PLCB1: variants seen among roughly 807,000 people sequenced by gnomAD.
PLCB1 encodes 1-phosphatidylinositol 4,5-bisphosphate phosphodiesterase beta-1.
In PLCB1, 46 loss-of-function variants were observed where a neutral mutation model predicts 161.8. The ratio of observed to expected loss-of-function variants is 0.28; its 90% CI spans 0.22 to 0.36. The LOEUF (loss-of-function observed/expected upper bound fraction) is 0.36. Ranked by LOEUF, PLCB1 falls within the 10% of genes least tolerant of loss-of-function variation. The pLI is 1.00. For synonymous variants in PLCB1, 517 were observed against 503.7 expected, an observed-to-expected ratio of 1.03 and a Z score of -0.35; for missense variants, 1,016 against 1,472.5, an observed-to-expected ratio of 0.69 and a Z score of 5.07.
chr20:8,400,313 T>G (rs1188809082), intron 3 of PLCB1, among the ~76,000 whole-genome samples: 3 of 152,164 alleles, frequency 2.0e-5, no homozygotes, highest in Non-Finnish European at 4.4e-5. Flanking sequence ...ATTCTATTCT[T>G]TGTGCCAGAA....
At chr20:8,808,193 T>A (rs1432564967) in intron 31 of PLCB1, among the ~76,000 whole-genome samples, 2 of 152,230 alleles carry the variant, frequency 1.3e-5, no homozygotes, top group Non-Finnish European at 2.9e-5. Context: ...TGTCACAGAC[T>A]GGGTGGCTTC....
At chr20:8,755,289 T>C (rs1981682732) in intron 23 of PLCB1, among the ~76,000 whole-genome samples, 1 of 152,222 alleles carries the variant, frequency 6.6e-6, no homozygotes. Flanking sequence ...TCTTACTTTT[T>C]ATAAGAAAGT....
chr20:8,308,916 AT>A (rs552246373), intron 2 of PLCB1, among the ~76,000 whole-genome samples: 72 of 151,666 alleles, frequency 4.7e-4, no homozygotes, highest in African/African-American at 1.0e-3. Flanking sequence ...GGACTCATAG[AT>A]TTTTTTCTTT....
At chr20:8,850,636 G>A (rs1986854787) in intron 31 of PLCB1, among the ~76,000 whole-genome samples, 1 of 152,082 alleles carries the variant, frequency 6.6e-6, no homozygotes. Context: ...AATGGGGATA[G>A]TGCCCTTATA....
At chr20:8,788,972 G>A (rs933531863) in intron 29 of PLCB1, among the ~76,000 whole-genome samples, 7 of 152,220 alleles carry the variant, frequency 4.6e-5, no homozygotes, top group Non-Finnish European at 8.8e-5. Flanking sequence ...CTCAGGGAAA[G>A]GCTAAATCCT....
intron 2 of PLCB1, among the ~76,000 whole-genome samples, chr20:8,346,603 A>G (rs1265554318): frequency 6.6e-6 from 1 of 152,232 alleles, no homozygotes; most frequent in African/African-American, 2.4e-5. Context: ...TTGTTGTTAC[A>G]TTAATCAAGG....
At chr20:8,786,361 A>G (rs954711530) in intron 27 of PLCB1, among the ~76,000 whole-genome samples, 1 of 152,206 alleles carries the variant, frequency 6.6e-6, no homozygotes, top group Non-Finnish European at 1.5e-5. Context: ...GATAATCATG[A>G]TTAGGCAATC....
intron 3 of PLCB1, among the ~76,000 whole-genome samples, chr20:8,402,810 A>G (rs1251929709): frequency 1.3e-5 from 2 of 152,064 alleles, no homozygotes; most frequent in East Asian, 1.9e-4. Context: ...GTGCCACTGC[A>G]CTCCAGCCTG....
intron 3 of PLCB1, among the ~76,000 whole-genome samples, chr20:8,413,396 A>G (rs1420570661): frequency 5.9e-5 from 9 of 152,226 alleles, no homozygotes; most frequent in Admixed American, 3.9e-4. Context: ...TTTGTACTTA[A>G]TAACACGAAC....
At chr20:8,722,245 C>T (rs923152967) in intron 14 of PLCB1, 109 bp from the exon 15 acceptor site, 2 of 766,140 alleles carry the variant, frequency 2.6e-6, no homozygotes, top group Non-Finnish European at 4.2e-6. Context: ...TTAAACAGCC[C>T]AACTTCCAAG....
chr20:8,514,432 G>A (rs1282471990), intron 3 of PLCB1, among the ~76,000 whole-genome samples: 2 of 141,744 alleles, frequency 1.4e-5, no homozygotes, highest in Non-Finnish European at 3.0e-5. Context: ...GCAACAGAGC[G>A]AGACTCCATC....
At chr20:8,599,947 C>G (rs1987485646) in intron 3 of PLCB1, among the ~76,000 whole-genome samples, 2 of 143,958 alleles carry the variant, frequency 1.4e-5, no homozygotes, top group South Asian at 4.6e-4. Flanking sequence ...GTTTTCAGCT[C>G]CATCAGCTCC....
intron 1 of PLCB1, among the ~76,000 whole-genome samples, chr20:8,147,472 T>G (rs2327025): frequency 6.6e-6 from 1 of 152,186 alleles, no homozygotes; most frequent in Non-Finnish European, 1.5e-5. Context: ...CAAACCTGGG[T>G]ATATGTTCTG....
intron 2 of PLCB1, among the ~76,000 whole-genome samples, chr20:8,243,191 G>A (rs1489053923): frequency 1.3e-5 from 2 of 151,938 alleles, no homozygotes; most frequent in Non-Finnish European, 2.9e-5. Context: ...AGTTCTGTTC[G>A]GTAGGGAAAA....
intron 3 of PLCB1, among the ~76,000 whole-genome samples, chr20:8,434,666 A>C (rs183827406): frequency 5.9e-5 from 9 of 152,350 alleles, no homozygotes; most frequent in Admixed American, 5.9e-4. Flanking sequence ...AATAGGAGTT[A>C]ACACTGAAGT....
Position 8,549,663 on chromosome 20 carries a change from C to T in PLCB1, c.247-78631C>T, listed in dbSNP as rs540233378. On this transcript the variant is annotated intron_variant, in intron 3 of 31. Transcript: ENST00000338037. ...AGGCTGGAGTGCAGTGGTGCAATCT[C>T]GGCTCACTGCAACTTCTGCTTCCTG... 3.9e-5 allele frequency among the ~76,000 whole-genome samples: 6 copies of T among 152,238 alleles called. No homozygotes were observed. In the South Asian group the frequency reaches 1.0e-3, roughly 26 times the overall value.
intron 11 of PLCB1, among the ~76,000 whole-genome samples, chr20:8,698,851 G>A (rs1056093985): frequency 6.6e-6 from 1 of 152,176 alleles, no homozygotes; most frequent in Non-Finnish European, 1.5e-5. Flanking sequence ...AGCCATTCTT[G>A]TTAGTGAGAA....
Position 8,684,875 on chromosome 20 carries a change from C to T in PLCB1, c.863-57C>T, listed in dbSNP as rs59327455. 1,443 of 1,349,848 alleles carry T rather than the reference C, an allele frequency of 1.1e-3. 14 individuals are homozygous for T. The African/African-American group carries it at 0.019, about 18-fold the overall frequency. The allele number at this position is 1,349,848 out of a possible 1,614,324, so 83.6% of individuals were successfully genotyped here. On this transcript the variant is annotated intron_variant, in intron 9 of 31. Coordinates refer to ENST00000338037, the MANE Select transcript of PLCB1 (RefSeq NM_015192.4). ...TTCTGGAAAAAAAAAAAAAAAGAGG[C>T]GACTTGACACCCATAAAAGAATGCA...
intron 3 of PLCB1, among the ~76,000 whole-genome samples, chr20:8,387,891 C>T (rs1461183451): frequency 6.7e-6 from 1 of 148,950 alleles, no homozygotes; most frequent in Non-Finnish European, 1.5e-5. Flanking sequence ...GTGATGGTTG[C>T]ACAACAGTGT....
Sources: allele counts gnomAD v4.1 joint callset (sites outside exome capture counted in the v4.1 genomes callset), GRCh38; gene constraint gnomAD v4.1.1; transcripts MANE v1.5; gene names NCBI Gene and HGNC (gene_info 2026-07-23, HGNC 2026-07-21).